Variants in CEP70 observed in about 807,000 individuals in gnomAD.
CEP70 encodes centrosomal protein 70.
Under a neutral mutation model 90.9 loss-of-function variants are expected in CEP70, and 70 were observed. That is an observed-to-expected ratio of 0.77 (90% confidence interval 0.64 to 0.94). CEP70 has a LOEUF of 0.94. Among genes scored for constraint, CEP70 ranks in the 40% least tolerant of loss-of-function variants. The probability of loss-of-function intolerance (pLI) is 0.00; values close to 1 mark genes in which losing one functional copy is unlikely to be tolerated. For missense variants in CEP70, 648 were observed against 669.0 expected (o/e 0.97, Z 0.35); for synonymous variants, 220 against 228.3 (o/e 0.96, Z 0.33).
At chr3:138,586,696 G>A (rs569583628) in intron 2 of CEP70, among the ~76,000 whole-genome samples, 30 of 152,264 alleles carry the variant, frequency 2.0e-4, no homozygotes, top group Admixed American at 3.9e-4. Context: ...TAACAGGTGG[G>A]CTGAAAGGAA....
chr3:138,532,459 TG>T, intron 8 of CEP70, 54 bp downstream of exon 8: 1 of 1,401,374 alleles, frequency 7.1e-7, no homozygotes, highest in Non-Finnish European at 9.4e-7. Context: ...CAGAAACTTC[TG>T]GTGTGAATAC....
intron 11 of CEP70, among the ~76,000 whole-genome samples, chr3:138,514,178 T>C (rs1221730879): frequency 6.6e-6 from 1 of 152,224 alleles, no homozygotes; most frequent in African/African-American, 2.4e-5. Flanking sequence ...CTTTGAAATG[T>C]GAACATCTCG....
intron 6 of CEP70, among the ~76,000 whole-genome samples, chr3:138,553,953 T>G (rs1021283837): frequency 3.3e-5 from 5 of 152,030 alleles, no homozygotes; most frequent in African/African-American, 1.2e-4. Context: ...TCCCAACACT[T>G]TGGGAGGCTG....
chr3:138,560,302 T>C (rs2040310148), intron 6 of CEP70, among the ~76,000 whole-genome samples: 1 of 152,270 alleles, frequency 6.6e-6, no homozygotes, highest in East Asian at 1.9e-4. Context: ...TGGGAGGGAC[T>C]GTGCCGTGAG....
In CEP70 at chr3:138,506,308, A is replaced by C. The variant is rs79614171; in HGVS notation, c.1051-843T>G. 1.7e-3 allele frequency among the ~76,000 whole-genome samples: 261 copies of C among 152,272 alleles called. 8 individuals carry two copies. The East Asian group carries it at 0.043, about 25-fold the overall frequency. ...AGGCTGCAGTGAGCTATGATAATGC[A>C]CTTCAGCCTGGGCAACAGAGCAAGA... On this transcript the variant is annotated intron_variant, in intron 12 of 17. Transcript: ENST00000264982.
At chr3:138,512,174 G>C (rs1270135094) in intron 11 of CEP70, among the ~76,000 whole-genome samples, 1 of 152,148 alleles carries the variant, frequency 6.6e-6, no homozygotes, top group East Asian at 1.9e-4. Flanking sequence ...GGTTAAAATG[G>C]GCAAAGGAGG....
intron 6 of CEP70, among the ~76,000 whole-genome samples, chr3:138,539,421 T>C (rs1329169376): frequency 6.6e-6 from 1 of 152,116 alleles, no homozygotes; most frequent in East Asian, 1.9e-4. Context: ...TGAACTCCAA[T>C]ATAACACAGG....
At chr3:138,527,980 C>A (rs1339722418) in intron 10 of CEP70, among the ~76,000 whole-genome samples, 1 of 133,568 alleles carries the variant, frequency 7.5e-6, no homozygotes. Flanking sequence ...TACTGTACAT[C>A]AATTGTAACT....
intron 2 of CEP70, among the ~76,000 whole-genome samples, chr3:138,589,796 T>C (rs2042288794): frequency 6.6e-6 from 1 of 152,180 alleles, no homozygotes; most frequent in South Asian, 2.1e-4. Context: ...GTAATGTATT[T>C]AAGAAATTCA....
rs79100185 is a variant in CEP70, at chr3:138,534,969, A to G, written c.635+2209T>C. On this transcript the variant is annotated intron_variant, in intron 7 of 17. Coordinates refer to ENST00000264982, the MANE Select transcript of CEP70 (RefSeq NM_024491.4). ...TTAAGACCTTCATTAGCCCTCTACT[A>G]CTACAACCGATTCCTAACTTGTCTT... 2.0e-5 allele frequency among the ~76,000 whole-genome samples: 3 copies of G among 152,100 alleles called. No individual in the cohort carries two copies. The East Asian group carries it at 5.8e-4, about 29-fold the overall frequency.
Position 138,505,798 on chromosome 3 carries a change from G to T in CEP70, c.1051-333C>A, listed in dbSNP as rs377048175. On this transcript the variant is annotated intron_variant, in intron 12 of 17. Transcript: ENST00000264982. ...TCTTGAAAGCAGTCAGGGAGGAGGAGCTCCCTCTTATTCAGCCTTTTGTTC... is the reference window on the plus strand; with the variant it reads ...TCTTGAAAGCAGTCAGGGAGGAGGATCTCCCTCTTATTCAGCCTTTTGTTC... 1.7e-4 allele frequency among the ~76,000 whole-genome samples: 26 copies of T among 152,238 alleles called. No individual in the cohort carries two copies. In the East Asian group the frequency reaches 4.6e-3, roughly 27 times the overall value.
intron 6 of CEP70, among the ~76,000 whole-genome samples, chr3:138,566,298 A>G (rs983121985): frequency 1.3e-5 from 2 of 152,182 alleles, no homozygotes; most frequent in East Asian, 1.9e-4. Flanking sequence ...ACCAGAAGAA[A>G]TATCATTTGA....
intron 10 of CEP70, among the ~76,000 whole-genome samples, chr3:138,525,768 G>A (rs2037167220): frequency 6.6e-6 from 1 of 151,996 alleles, no homozygotes; most frequent in South Asian, 2.1e-4. Flanking sequence ...AAGCCTTTTA[G>A]TCGTTTTTTG....
chr3:138,562,074 C>T (rs544620383), intron 6 of CEP70, among the ~76,000 whole-genome samples: 2 of 149,044 alleles, frequency 1.3e-5, no homozygotes, highest in African/African-American at 4.9e-5. Context: ...GTATCAGTAG[C>T]CGAACTGATC....
chr3:138,512,211 T>C (rs992784823), intron 11 of CEP70, among the ~76,000 whole-genome samples: 42 of 152,292 alleles, frequency 2.8e-4, no homozygotes, highest in African/African-American at 9.1e-4. Context: ...CAGCCTATAG[T>C]CTGTCTAATG....
At chr3:138,511,192 C>A (rs766793019) in intron 11 of CEP70, among the ~76,000 whole-genome samples, 4 of 152,124 alleles carry the variant, frequency 2.6e-5, no homozygotes, top group Non-Finnish European at 5.9e-5. Context: ...AGTATTTCTC[C>A]TGACTCCTTT....
chr3:138,559,924 C>A (rs1194400622), intron 6 of CEP70, among the ~76,000 whole-genome samples: 1 of 152,138 alleles, frequency 6.6e-6, no homozygotes, highest in East Asian at 1.9e-4. Flanking sequence ...TGAAAATATT[C>A]ATCAAAATTA....
At chr3:138,533,876 CCAGGT>C (rs1453933874) in intron 7 of CEP70, among the ~76,000 whole-genome samples, 6 of 152,090 alleles carry the variant, frequency 3.9e-5, no homozygotes, top group African/African-American at 1.4e-4. Context: ...GCTCCACCTT[CCAGGT>C]TCACCCCATT....
intron 17 of CEP70, chr3:138,497,652 A>T (rs1038096336): frequency 8.2e-6 from 8 of 972,282 alleles, no homozygotes; most frequent in African/African-American, 5.3e-5. Flanking sequence ...TTGTATATTT[A>T]AAAAATTTTG....
Sources: allele counts gnomAD v4.1 joint callset (sites outside exome capture counted in the v4.1 genomes callset), GRCh38; gene constraint gnomAD v4.1.1; transcripts MANE v1.5; gene names NCBI Gene and HGNC (gene_info 2026-07-23, HGNC 2026-07-21).